Variants in NDUFA11 observed in about 807,000 individuals in gnomAD.
The protein encoded by NDUFA11 is NADH:ubiquinone oxidoreductase subunit A11.
In NDUFA11, 14 loss-of-function variants were observed where a neutral mutation model predicts 11.3. That is an observed-to-expected ratio of 1.24 (90% CI 0.82 to 1.94). The LOEUF is 1.94. NDUFA11 is among the 30% of genes most tolerant of loss of function. The pLI is 0.00. For synonymous variants in NDUFA11, 87 were observed against 85.6 expected (o/e 1.02, Z -0.09); for missense variants, 204 against 200.3 (o/e 1.02, Z -0.11).
chr19:5,893,928 G>A (rs1284697396), downstream of NDUFA11, among the ~76,000 whole-genome samples: 1 of 152,184 alleles, frequency 6.6e-6, no homozygotes, highest in Non-Finnish European at 1.5e-5. The surrounding 1 kb of genome is among the most constrained non-coding windows in gnomAD (Gnocchi z 4.1). Context: ...CGCTCCCCTG[G>A]GTGGAGCCTG....
chr19:5,898,396 T>C (rs556107975), intron 1 of NDUFA11, among the ~76,000 whole-genome samples: 2 of 152,234 alleles, frequency 1.3e-5, no homozygotes, highest in Non-Finnish European at 2.9e-5. Context: ...GACTCTCACA[T>C]CCAGCAGTGG....
chr19:5,897,434 G>T (rs1041503415), intron 1 of NDUFA11, among the ~76,000 whole-genome samples: 6 of 152,128 alleles, frequency 3.9e-5, no homozygotes, highest in African/African-American at 1.4e-4. Context: ...TGGCACCAGG[G>T]CCCCAGCTCC....
intron 1 of NDUFA11, 29 bp downstream of exon 1, chr19:5,903,583 T>C: frequency 6.5e-7 from 1 of 1,545,002 alleles, no homozygotes; most frequent in Non-Finnish European, 8.7e-7. Flanking sequence ...GCCTCGGCCC[T>C]CCACCCTCGG....
chr19:5,895,009 C>G (rs746012891), intron 3 of NDUFA11, 155 bp from the exon 4 acceptor site: 1 of 866,610 alleles, frequency 1.2e-6, no homozygotes, highest in Admixed American at 2.9e-5. Flanking sequence ...GGGCCCTAGA[C>G]TCTGGAGATG....
intron 1 of NDUFA11, among the ~76,000 whole-genome samples, chr19:5,900,877 C>T (rs1490373777): frequency 1.4e-5 from 2 of 147,734 alleles, no homozygotes; most frequent in Non-Finnish European, 3.0e-5. Context: ...CACCACTGCA[C>T]TCCAGCCTGG....
In NDUFA11 at chr19:5,896,817, CAGAG is replaced by C; in HGVS notation, c.190+84_190+87del. 1 of 1,299,024 alleles carries C rather than the reference CAGAG, an allele frequency of 7.7e-7. No individual in the cohort carries two copies. The highest frequency in any genetic ancestry group is 1.1e-6 in the Non-Finnish European group (1 of 896,486). The allele number at this position is 1,299,024 out of a possible 1,614,324, so 80.5% of individuals were successfully genotyped here. A position where few individuals can be genotyped will look rare whatever the true frequency, so the allele number is the denominator to read the frequency against. On this transcript the variant is annotated intron_variant, in intron 2 of 3. Transcript: ENST00000308961. This position sits in a 1 kb window ranked among gnomAD's most constrained non-coding sequence, Gnocchi z 5.8. Reference sequence around the variant, plus strand: ...GCACTGTGGACACGGGCTGGGGAGTCAGAGAGAAGAGGCAGCCGTCAAATGTGCT... The same window carrying C: ...GCACTGTGGACACGGGCTGGGGAGTCAGAAGAGGCAGCCGTCAAATGTGCT...
At chr19:5,895,107 A>C (rs2057599515) in intron 3 of NDUFA11, 2 of 523,032 alleles carry the variant, frequency 3.8e-6, no homozygotes, top group East Asian at 6.5e-5. Context: ...CCCCACACTG[A>C]CTTCCCCCTG....
chr19:5,901,714 G>C (rs2057646787), intron 1 of NDUFA11, among the ~76,000 whole-genome samples: 1 of 151,594 alleles, frequency 6.6e-6, no homozygotes, highest in South Asian at 2.1e-4. Context: ...CTGTCGCCCA[G>C]GCTGGAGTGC....
Position 5,896,208 on chromosome 19 carries a change from G to A in NDUFA11, c.313+245C>T. The A allele has an allele frequency of 3.3e-6, 2 of 601,974 alleles. No individual in the cohort carries two copies. The highest frequency in any genetic ancestry group is 4.0e-5 in the South Asian group (2 of 50,406). 37.3% of individuals were successfully genotyped at this position (601,974 alleles called of 1,614,324 possible). A position where few individuals can be genotyped will look rare whatever the true frequency, so the allele number is the denominator to read the frequency against. On this transcript the variant is annotated intron_variant, in intron 3 of 3. Coordinates refer to ENST00000308961, the MANE Select transcript of NDUFA11 (RefSeq NM_175614.5). This position sits in a 1 kb window ranked among gnomAD's most constrained non-coding sequence, Gnocchi z 5.8. Reference sequence around the variant, plus strand: ...CCTGGCATGTGGGAGGAGCAGTGAGGAGGCCCGTGTGGCTGGAGCAGAGTG... The same window carrying A: ...CCTGGCATGTGGGAGGAGCAGTGAGAAGGCCCGTGTGGCTGGAGCAGAGTG...
At position 5,903,468 on chromosome 19, in the gene NDUFA11, C is replaced by G. The variant is rs35728843; in HGVS notation, c.97+144G>C. 0.073 allele frequency: 55,094 copies of G among 755,276 alleles called. 2,425 individuals are homozygous for G. Among genetic ancestry groups the G allele is most frequent in the African/African-American group, 0.099 (5,654 of 57,366 alleles). The allele number at this position is 755,276 out of a possible 1,614,324, so 46.8% of individuals were successfully genotyped here. ...ACATCCATTTCACACAAGATCCCCC[C>G]CTACGACCGCCCAAGACACCCCGAT... On this transcript the variant is annotated intron_variant, in intron 1 of 3. Coordinates refer to ENST00000308961, the MANE Select transcript of NDUFA11 (RefSeq NM_175614.5).
downstream of NDUFA11, among the ~76,000 whole-genome samples, chr19:5,894,260 G>A (rs1322182687): frequency 3.9e-5 from 6 of 152,214 alleles, no homozygotes; most frequent in Non-Finnish European, 5.9e-5. Flanking sequence ...TGGAGACAGG[G>A]CCTGGGCGTG....
chr19:5,896,413 AG>A lies in NDUFA11; in HGVS notation c.313+39del. 1.2e-6 allele frequency: 1 copy of A among 864,824 alleles called. No individual in the cohort carries two copies. The highest frequency in any genetic ancestry group is 1.5e-6 in the Non-Finnish European group (1 of 646,774). The allele number at this position is 864,824 out of a possible 1,614,324, so 53.6% of individuals were successfully genotyped here. A position where few individuals can be genotyped will look rare whatever the true frequency, so the allele number is the denominator to read the frequency against. ...AGCAGAGGTCAGGGGTCATTCTGCC[AG>A]GCTGGGAGGAGGGTGGGGGTGGGGA... is the stretch of plus-strand genomic sequence containing the variant. On this transcript the variant is annotated intron_variant, in intron 3 of 3. Transcript: ENST00000308961. The surrounding 1 kb of genome is among the most constrained non-coding windows in gnomAD (Gnocchi z 5.8).
chr19:5,893,943 G>A (rs999684590), downstream of NDUFA11, among the ~76,000 whole-genome samples: 11 of 152,154 alleles, frequency 7.2e-5, no homozygotes, highest in African/African-American at 2.2e-4. The surrounding 1 kb of genome is among the most constrained non-coding windows in gnomAD (Gnocchi z 4.1). Context: ...AGCCTGGAGC[G>A]CCCTAATTTG....
chr19:5,893,511 G>T (rs1481141248), downstream of NDUFA11, among the ~76,000 whole-genome samples: 1 of 152,058 alleles, frequency 6.6e-6, no homozygotes, highest in Non-Finnish European at 1.5e-5. The surrounding 1 kb of genome is among the most constrained non-coding windows in gnomAD (Gnocchi z 4.1). Context: ...GCGTTGCCCA[G>T]GCTGGTTCCA....
At position 5,896,399 on chromosome 19, in the gene NDUFA11, G is replaced by C. The variant is rs1280580188; in HGVS notation, c.313+54C>G. On this transcript the variant is annotated intron_variant, in intron 3 of 3. Coordinates refer to ENST00000308961, the MANE Select transcript of NDUFA11 (RefSeq NM_175614.5). The surrounding 1 kb of genome is among the most constrained non-coding windows in gnomAD (Gnocchi z 5.8). ...GAGGGTGGAGGATGAGCAGAGGTCA[G>C]GGGTCATTCTGCCAGGCTGGGAGGA... 6.5e-7 allele frequency: 1 copy of C among 1,527,930 alleles called. No individual in the cohort carries two copies. The highest frequency in any genetic ancestry group is 2.4e-5 in the East Asian group (1 of 42,198). The allele number at this position is 1,527,930 out of a possible 1,614,324, so 94.6% of individuals were successfully genotyped here. A position where few individuals can be genotyped will look rare whatever the true frequency, so the allele number is the denominator to read the frequency against.
In NDUFA11 at chr19:5,894,724, T is replaced by C; in HGVS notation, c.*18A>G. The C allele has an allele frequency of 1.2e-6, 2 of 1,610,164 alleles. No individual in the cohort carries two copies. Among genetic ancestry groups the C allele is most frequent in the South Asian group, 1.1e-5 (1 of 90,464 alleles). On this transcript the variant is annotated 3_prime_UTR_variant, in exon 4 of 4. Transcript: ENST00000308961. ...CTGGACGCATTCTGCAGGCTGGAGG[T>C]CCCGGCAGGCACAGGGCTCACACCT...
At chr19:5,899,451 C>CTTT (rs71172780) in intron 1 of NDUFA11, among the ~76,000 whole-genome samples, 5,400 of 68,690 alleles carry the variant, frequency 0.079, 612 homozygotes, top group Non-Finnish European at 0.094. Flanking sequence ...CGCCCGGACT[C>CTTT]TTTTTTTTTT....
chr19:5,896,444 G>A lies in NDUFA11; in HGVS notation c.313+9C>T, dbSNP rs1030205832. 1.5e-5 allele frequency: 17 copies of A among 1,133,542 alleles called. No individual in the cohort carries two copies. The highest frequency in any genetic ancestry group is 1.9e-5 in the Non-Finnish European group (15 of 775,838). The allele number at this position is 1,133,542 out of a possible 1,614,324, so 70.2% of individuals were successfully genotyped here. On this transcript the variant is annotated intron_variant, in intron 3 of 3. Transcript: ENST00000308961. This position sits in a 1 kb window ranked among gnomAD's most constrained non-coding sequence, Gnocchi z 5.8. ...GGAGGAGGGTGGGGGTGGGGAGGGGGCCACTCACTGCGTGCTCCCAGAGTC... is the reference window on the plus strand; with the variant it reads ...GGAGGAGGGTGGGGGTGGGGAGGGGACCACTCACTGCGTGCTCCCAGAGTC...
intron 1 of NDUFA11, among the ~76,000 whole-genome samples, chr19:5,899,350 C>T (rs1183416025): frequency 3.3e-5 from 5 of 150,832 alleles, no homozygotes; most frequent in Admixed American, 6.6e-5. Context: ...GGGGTTTCAC[C>T]GTGTTAGCCA....
Sources: allele counts gnomAD v4.1 joint callset (sites outside exome capture counted in the v4.1 genomes callset), GRCh38; gene constraint gnomAD v4.1.1; non-coding constraint Gnocchi (gnomAD v3.1); transcripts MANE v1.5; gene names NCBI Gene and HGNC (gene_info 2026-07-23, HGNC 2026-07-21).